DENND11: variants seen among roughly 807,000 people sequenced by gnomAD.
DENND11 encodes DENN domain-containing protein 11.
Under a neutral mutation model 49.2 loss-of-function variants are expected in DENND11, and 34 were observed. The observed-to-expected ratio is 0.69, with a 90% CI of 0.53 to 0.92. The LOEUF is 0.92. Among genes scored for constraint, DENND11 ranks in the 40% least tolerant of loss-of-function variants. DENND11 has a pLI of 0.00. For synonymous variants in DENND11, 238 were observed against 230.3 expected, an observed-to-expected ratio of 1.03 and a Z score of -0.30; for missense variants, 475 against 581.6, an observed-to-expected ratio of 0.82 and a Z score of 1.88.
At chr7:141,685,338 G>A (rs1297026674) in intron 3 of DENND11, 140 bp downstream of exon 3, 8 of 1,035,808 alleles carry the variant, frequency 7.7e-6, no homozygotes, top group South Asian at 3.0e-5. Flanking sequence ...GACACCACCC[G>A]AGGCGTGAAA....
At chr7:141,681,529 T>C (rs1273255380) in intron 3 of DENND11, among the ~76,000 whole-genome samples, 1 of 152,102 alleles carries the variant, frequency 6.6e-6, no homozygotes, top group East Asian at 1.9e-4. Flanking sequence ...AGGAAGTTAT[T>C]ATGAAAATGA....
intron 1 of DENND11, chr7:141,701,670 G>A (rs901366201): frequency 2.7e-5 from 8 of 292,212 alleles, no homozygotes; most frequent in African/African-American, 6.7e-5. Flanking sequence ...GCCGCTCCGA[G>A]AGGCCGCGCG....
rs1370028690 is a variant in DENND11 at position 141,659,397 on chromosome 7, G to A, written c.*3259C>T. On this transcript the variant is annotated 3_prime_UTR_variant, in exon 9 of 9. Coordinates refer to ENST00000536163, the MANE Select transcript of DENND11 (RefSeq NM_001080392.2). The stretch of plus-strand genomic sequence containing the variant: ...GGGCCATACTTTTAGTCTGGTAGGG[G>A]ATAAGCCCTACCATTTCAAACTCCT... 6.6e-6 allele frequency: 1 copy of A among 152,198 alleles called. No individual in the cohort carries two copies. Among genetic ancestry groups the A allele is most frequent in the Non-Finnish European group, 1.5e-5 (1 of 68,044 alleles). The allele number at this position is 152,198 out of a possible 1,614,324, so 9.4% of individuals were successfully genotyped here. A position where few individuals can be genotyped will look rare whatever the true frequency, so the allele number is the denominator to read the frequency against.
At chr7:141,695,437 A>C (rs1798397906) in intron 1 of DENND11, among the ~76,000 whole-genome samples, 1 of 152,252 alleles carries the variant, frequency 6.6e-6, no homozygotes, top group Non-Finnish European at 1.5e-5. Context: ...TAGGGAATGA[A>C]GCGCTATCAG....
At chr7:141,664,302 C>T in intron 7 of DENND11, 62 bp from the exon 8 acceptor site, 2 of 1,348,662 alleles carry the variant, frequency 1.5e-6, no homozygotes, top group Admixed American at 2.0e-5. Context: ...ACAGGTGAGG[C>T]CTCAGCCAGG....
chr7:141,664,039 G>C, intron 8 of DENND11, 133 bp downstream of exon 8: 1 of 705,634 alleles, frequency 1.4e-6, no homozygotes, highest in Admixed American at 2.3e-5. Context: ...TCTGTAAGGA[G>C]CCCGGCTCTA....
In DENND11 at chr7:141,660,340, C is replaced by G. The variant is rs1220357742; in HGVS notation, c.*2316G>C. ...GAAACATGGCACTGCCTCACTGGCACGTTCTCCTCTGGGGCCACCCATACC... is the reference window on the plus strand; with the variant it reads ...GAAACATGGCACTGCCTCACTGGCAGGTTCTCCTCTGGGGCCACCCATACC... On this transcript the variant is annotated 3_prime_UTR_variant, in exon 9 of 9. Coordinates refer to ENST00000536163, the MANE Select transcript of DENND11 (RefSeq NM_001080392.2). 1 of 152,264 alleles carries G rather than the reference C, an allele frequency of 6.6e-6. No homozygotes were observed. Among genetic ancestry groups the G allele is most frequent in the Admixed American group, 6.5e-5 (1 of 15,290 alleles). The allele number at this position is 152,264 out of a possible 1,614,324, so 9.4% of individuals were successfully genotyped here.
At chr7:141,691,239 T>C (rs1798322985) in intron 1 of DENND11, among the ~76,000 whole-genome samples, 1 of 152,234 alleles carries the variant, frequency 6.6e-6, no homozygotes. Flanking sequence ...GGAATGTGGA[T>C]GTAGCATCGT....
Position 141,666,364 on chromosome 7 carries a change from A to C in DENND11, c.743T>G (p.Ile248Ser), listed in dbSNP as rs766423405. 6.2e-7 allele frequency: 1 copy of C among 1,613,434 alleles called. No individual in the cohort carries two copies. The highest frequency in any genetic ancestry group is 8.5e-7 in the Non-Finnish European group (1 of 1,179,604). ...TCGAAGTAAGGCAAATTTCCAGAGG[A>C]TGAGGATCTGTTCTCCAAAGAACTT... ...FIKFFGEQILILWKFALLRKR... is the reference protein window; with the variant it reads ...FIKFFGEQILSLWKFALLRKR... Residue 248 changes from isoleucine (I) to serine (S), a missense_variant, in exon 5 of 9, where the codon ATC becomes AGC. Coordinates refer to ENST00000536163, the MANE Select transcript of DENND11 (RefSeq NM_001080392.2).
Position 141,664,052 on chromosome 7 carries a change from T to G in DENND11, c.1172+120A>C, listed in dbSNP as rs1049709035. On this transcript the variant is annotated intron_variant, in intron 8 of 8. Coordinates refer to ENST00000536163, the MANE Select transcript of DENND11 (RefSeq NM_001080392.2). ...CCTCTGTAAGGAGCCCGGCTCTAAG[T>G]GCCCTTGGCAGCAATAAACGGCATC... 7.6e-5 allele frequency: 61 copies of G among 803,996 alleles called. No individual in the cohort carries two copies. The Admixed American group carries it at 1.3e-3, about 17-fold the overall frequency. 49.8% of individuals were successfully genotyped at this position (803,996 alleles called of 1,614,324 possible).
intron 1 of DENND11, among the ~76,000 whole-genome samples, chr7:141,688,762 G>A (rs1798282512): frequency 2.6e-5 from 4 of 152,132 alleles, no homozygotes; most frequent in Admixed American, 2.6e-4. Flanking sequence ...AAGGTGCCAG[G>A]GGCTACCCTA....
At chr7:141,665,351 C>T (rs1295729640) in intron 5 of DENND11, 33 bp from the exon 6 acceptor site, 3 of 1,612,526 alleles carry the variant, frequency 1.9e-6, no homozygotes, top group Non-Finnish European at 2.5e-6. Flanking sequence ...CGGGGAGGGT[C>T]TGCCCCTCCA....
chr7:141,697,034 C>A (rs1444982630), intron 1 of DENND11, among the ~76,000 whole-genome samples: 2 of 152,214 alleles, frequency 1.3e-5, no homozygotes, highest in Admixed American at 6.5e-5. Context: ...CAAAGAAAGA[C>A]CTTCCATTTC....
chr7:141,678,678 TCTAA>T (rs1264802134), intron 3 of DENND11, among the ~76,000 whole-genome samples: 1 of 152,210 alleles, frequency 6.6e-6, no homozygotes, highest in Non-Finnish European at 1.5e-5. Flanking sequence ...GTAAGGCATC[TCTAA>T]CTGATAAAGT....
At chr7:141,685,703 A>G in intron 2 of DENND11, 67 bp from the exon 3 acceptor site, 1 of 1,540,168 alleles carries the variant, frequency 6.5e-7, no homozygotes, top group Non-Finnish European at 8.9e-7. Flanking sequence ...AATCCTAAAC[A>G]AAACAAATGA....
rs186128068 is a variant in DENND11, at chr7:141,696,669, G to A, written c.268+5217C>T. Among the ~76,000 whole-genome samples the A allele has an allele frequency of 3.3e-5, 5 of 152,296 alleles. No homozygotes were observed. In the East Asian group the frequency reaches 9.7e-4, roughly 29 times the overall value. On this transcript the variant is annotated intron_variant, in intron 1 of 8. Transcript: ENST00000536163. ...ATACATATGCCCTGATTGTAATCAGGAAGTCAAAACAAATCCTGTTTCAGG... is the reference window on the plus strand; with the variant it reads ...ATACATATGCCCTGATTGTAATCAGAAAGTCAAAACAAATCCTGTTTCAGG...
At chr7:141,679,620 G>A (rs1798116408) in intron 3 of DENND11, among the ~76,000 whole-genome samples, 1 of 151,862 alleles carries the variant, frequency 6.6e-6, no homozygotes, top group African/African-American at 2.4e-5. Flanking sequence ...GCTGAGGCAG[G>A]AGAATCGCTT....
intron 1 of DENND11, among the ~76,000 whole-genome samples, chr7:141,693,065 C>T (rs570487841): frequency 1.3e-4 from 20 of 152,062 alleles, no homozygotes; most frequent in South Asian, 1.2e-3. Context: ...ATTAAGGGAA[C>T]GAAAAGACAA....
Position 141,662,597 on chromosome 7 carries a change from G to A in DENND11, c.*59C>T. The A allele has an allele frequency of 1.5e-6, 2 of 1,312,600 alleles. No individual in the cohort carries two copies. The highest frequency in any genetic ancestry group is 2.0e-6 in the Non-Finnish European group (2 of 979,194). 81.3% of individuals were successfully genotyped at this position (1,312,600 alleles called of 1,614,324 possible). A position where few individuals can be genotyped will look rare whatever the true frequency, so the allele number is the denominator to read the frequency against. On this transcript the variant is annotated 3_prime_UTR_variant, in exon 9 of 9. Coordinates refer to ENST00000536163, the MANE Select transcript of DENND11 (RefSeq NM_001080392.2). ...AAAATGAGGCCCTCTGGGGCCCTGGGGTGAACTCCGGGCTGCTGACATCCC... is the reference window on the plus strand; with the variant it reads ...AAAATGAGGCCCTCTGGGGCCCTGGAGTGAACTCCGGGCTGCTGACATCCC...
Sources: gnomAD v4.1 joint callset for allele counts (sites outside exome capture counted in the v4.1 genomes callset) on GRCh38, gnomAD v4.1.1 for gene constraint, MANE v1.5 for transcripts, NCBI Gene and HGNC (gene_info 2026-07-23, HGNC 2026-07-21) for gene names.